SLC9A2: variants seen among roughly 807,000 people sequenced by gnomAD.
The protein encoded by SLC9A2 is sodium/hydrogen exchanger 2.
Under a neutral mutation model 71.7 loss-of-function variants are expected in SLC9A2, and 42 were observed. The ratio of observed to expected loss-of-function variants is 0.59; its 90% CI spans 0.46 to 0.76. SLC9A2 has a LOEUF of 0.76. Ranked by LOEUF, SLC9A2 falls within the 30% of genes least tolerant of loss-of-function variation. The pLI, the probability that SLC9A2 is intolerant of heterozygous loss-of-function variation, is 0.00. For synonymous variants in SLC9A2, 396 were observed against 392.5 expected (o/e 1.01, Z -0.10); for missense variants, 829 against 1,017.4 (o/e 0.81, Z 2.52).
At chr2:102,620,766 A>T (rs1256704369) in intron 1 of SLC9A2, among the ~76,000 whole-genome samples, 1 of 152,172 alleles carries the variant, frequency 6.6e-6, no homozygotes, top group Non-Finnish European at 1.5e-5. Context: ...TGGGCCCAGG[A>T]CAATGGCCCA....
intron 3 of SLC9A2, among the ~76,000 whole-genome samples, chr2:102,681,705 C>A (rs1465669757): frequency 6.6e-6 from 1 of 152,176 alleles, no homozygotes; most frequent in Admixed American, 6.5e-5. Context: ...ATTATGCATT[C>A]TTCACTTATA....
rs772851283 is a variant in SLC9A2, at chr2:102,704,651, C to T, written c.1953C>T (p.Asp651=). The T allele has an allele frequency of 9.3e-6, 15 of 1,612,846 alleles. No homozygotes were observed. In the Admixed American group the frequency reaches 2.5e-4, roughly 27 times the overall value. ...GTTTGCGAGAAAGCATTAGGAAGGA[C>T]AGCAGCTTGAATCGAGAACACAGGG... The part of the protein sequence containing the change: ...RHSLRESIRK[D]SSLNREHRAS... Residue 651 remains aspartate (D), a synonymous_variant, in exon 10 of 12, where the codon GAC becomes GAT. Coordinates refer to ENST00000233969, the MANE Select transcript of SLC9A2 (RefSeq NM_003048.6).
intron 3 of SLC9A2, among the ~76,000 whole-genome samples, chr2:102,677,913 G>A (rs1351506710): frequency 1.3e-5 from 2 of 152,104 alleles, no homozygotes; most frequent in East Asian, 3.9e-4. Context: ...CCCTCCTCCA[G>A]CTAACAGAAT....
chr2:102,702,419 G>T lies in SLC9A2; in HGVS notation c.1762G>T (p.Glu588Ter). The T allele has an allele frequency of 6.3e-7, 1 of 1,584,776 alleles. No homozygotes were observed. The highest frequency in any genetic ancestry group is 8.6e-7 in the Non-Finnish European group (1 of 1,163,428). Reference sequence around the variant, plus strand: ...AAACTTTCACAGTGATTGTCGTGAAGAAAAAATAAGGAAGGTCACGTCCAG... The same window carrying T: ...AAACTTTCACAGTGATTGTCGTGAATAAAAAATAAGGAAGGTCACGTCCAG... ...TFASLNDCRE[E>*]KIRKVTSSET... Residue 588 changes from glutamate to a stop codon, truncating the protein, a stop_gained, in exon 9 of 12, where the codon GAA (glutamate) becomes TAA (stop). Coordinates refer to ENST00000233969, the MANE Select transcript of SLC9A2 (RefSeq NM_003048.6). LOFTEE classifies it high-confidence loss of function.
At chr2:102,658,127 A>C in intron 2 of SLC9A2, 100 bp downstream of exon 2, 1 of 868,262 alleles carries the variant, frequency 1.2e-6, no homozygotes, top group East Asian at 2.4e-5. Flanking sequence ...GACCCTGCAC[A>C]CAGGGTGGTT....
rs1419633374 is a variant in SLC9A2 at position 102,708,140 on chromosome 2, A to T, written c.2090A>T (p.Asp697Val). Residue 697 changes from aspartate to valine, a missense_variant, in exon 12 of 12, where the codon GAC (aspartate) becomes GTC (valine). Asp to Val is a radical substitution (Grantham distance 152). Around this residue, in one of 3 missense-constraint regions of SLC9A2, gnomAD observed 223 missense variants for 197.5 expected, o/e 1.13. Transcript: ENST00000233969. ...SIADGNSSDSDADAGTTVLNL... is the reference protein window; with the variant it reads ...SIADGNSSDSVADAGTTVLNL... ...ATAGATGGCAATAGCAGCGACTCAG[A>T]CGCAGATGCCGGGACCACCGTGCTC... The T allele has an allele frequency of 1.2e-6, 2 of 1,613,114 alleles. No individual in the cohort carries two copies. The highest frequency in any genetic ancestry group is 1.7e-6 in the Non-Finnish European group (2 of 1,179,718).
At chr2:102,693,895 G>A (rs1677706900) in intron 5 of SLC9A2, among the ~76,000 whole-genome samples, 1 of 152,172 alleles carries the variant, frequency 6.6e-6, no homozygotes, top group Non-Finnish European at 1.5e-5. Flanking sequence ...ACAAATGAAG[G>A]AGTCATTGAT....
chr2:102,659,534 G>T (rs1677013429), intron 2 of SLC9A2, among the ~76,000 whole-genome samples: 1 of 152,088 alleles, frequency 6.6e-6, no homozygotes, highest in Non-Finnish European at 1.5e-5. Flanking sequence ...TCCTCAGAAT[G>T]AATAAAATGT....
chr2:102,695,797 ATAT>A (rs1558723274), intron 7 of SLC9A2, among the ~76,000 whole-genome samples: 2 of 107,268 alleles, frequency 1.9e-5, no homozygotes, highest in Admixed American at 1.1e-4. Context: ...TATTATATAT[ATAT>A]TATATATATA....
chr2:102,659,313 C>T (rs534246968), intron 2 of SLC9A2, among the ~76,000 whole-genome samples: 2 of 151,032 alleles, frequency 1.3e-5, no homozygotes, highest in South Asian at 2.1e-4. Flanking sequence ...TGGTGGTGAG[C>T]GCCTGTTATC....
chr2:102,636,832 C>T (rs1676477414), intron 1 of SLC9A2, among the ~76,000 whole-genome samples: 1 of 152,144 alleles, frequency 6.6e-6, no homozygotes, highest in Non-Finnish European at 1.5e-5. Flanking sequence ...CTAAGCTGTG[C>T]AAAGGATCTG....
rs56156264 is a variant in SLC9A2, at chr2:102,708,361, G to T, written c.2311G>T (p.Asp771Tyr). The change falls in exon 12 of 12, where the codon GAC becomes TAC. Residue 771 changes from aspartate (D) to tyrosine (Y), a missense_variant. By Grantham distance (160) the Asp-to-Tyr change is radical. This residue lies in a region of SLC9A2 where 223 missense variants were observed against 197.5 expected (regional missense o/e 1.13). Transcript: ENST00000233969. ...GLLQQPLLSK[D>Y]QSGSEREDSL... Reference sequence around the variant, plus strand: ...ACTACAGCAGCCCCTTCTCTCTAAAGACCAGTCTGGCTCAGAGAGGGAAGA... The same window carrying T: ...ACTACAGCAGCCCCTTCTCTCTAAATACCAGTCTGGCTCAGAGAGGGAAGA... 6.2e-7 allele frequency: 1 copy of T among 1,614,092 alleles called. No individual in the cohort carries two copies. Among genetic ancestry groups the T allele is most frequent in the Non-Finnish European group, 8.5e-7 (1 of 1,180,066 alleles).
At chr2:102,651,996 T>G (rs570650322) in intron 1 of SLC9A2, among the ~76,000 whole-genome samples, 1 of 152,202 alleles carries the variant, frequency 6.6e-6, no homozygotes, top group African/African-American at 2.4e-5. Flanking sequence ...AGAGTCACAT[T>G]CTGTCATTCG....
At chr2:102,684,404 G>A (rs914153576) in intron 5 of SLC9A2, 68 bp downstream of exon 5, 1 of 1,418,322 alleles carries the variant, frequency 7.1e-7, no homozygotes, top group African/African-American at 1.4e-5. Context: ...TCTGTTTACA[G>A]GATGCAAAGT....
intron 1 of SLC9A2, among the ~76,000 whole-genome samples, chr2:102,621,426 A>G (rs1301957096): frequency 6.6e-6 from 1 of 151,776 alleles, no homozygotes; most frequent in African/African-American, 2.4e-5. Flanking sequence ...GAAACCTCAG[A>G]ATATATTTTC....
At chr2:102,694,941 A>C in intron 6 of SLC9A2, 102 bp from the exon 7 acceptor site, 1 of 938,754 alleles carries the variant, frequency 1.1e-6, no homozygotes, top group Non-Finnish European at 1.7e-6. Context: ...AATAAGAAGC[A>C]AAAGCCATGA....
chr2:102,688,894 C>T (rs963601357), intron 5 of SLC9A2, among the ~76,000 whole-genome samples: 3 of 152,096 alleles, frequency 2.0e-5, no homozygotes, highest in African/African-American at 4.8e-5. Flanking sequence ...ATTCTGTAAA[C>T]GTACTAAGTG....
At chr2:102,694,147 C>G (rs913470743) in intron 5 of SLC9A2, among the ~76,000 whole-genome samples, 1 of 151,978 alleles carries the variant, frequency 6.6e-6, no homozygotes, top group Non-Finnish European at 1.5e-5. Flanking sequence ...TCTGCTTCTT[C>G]CATTTTGTCT....
At chr2:102,689,626 G>C (rs948006542) in intron 5 of SLC9A2, 1 of 152,190 alleles carries the variant, frequency 6.6e-6, no homozygotes, top group Admixed American at 6.5e-5. Context: ...ATTAGGTGGG[G>C]TTCCATAGAA....
Sources: allele counts gnomAD v4.1 joint callset (sites outside exome capture counted in the v4.1 genomes callset), GRCh38; gene constraint gnomAD v4.1.1; regional missense constraint gnomAD v4.1.1; transcripts MANE v1.5; gene names NCBI Gene and HGNC (gene_info 2026-07-23, HGNC 2026-07-21).